The following DIP2C variants were observed in gnomAD, a reference collection of about 807,000 sequenced individuals.
DIP2C encodes the protein DIP2 acetate--CoA ligase C (putative), also known as disco-interacting protein 2 homolog C.
Under a neutral mutation model 192.4 loss-of-function variants are expected in DIP2C, and 33 were observed. That is an observed-to-expected ratio of 0.17 (90% confidence interval 0.13 to 0.23). The LOEUF (loss-of-function observed/expected upper bound fraction) is 0.23. Ranked by LOEUF, DIP2C falls within the 10% of genes least tolerant of loss-of-function variation. The probability of loss-of-function intolerance (pLI) is 1.00; values close to 1 mark genes in which losing one functional copy is unlikely to be tolerated. For missense variants in DIP2C, 1,537 were observed against 2,110.1 expected, an observed-to-expected ratio of 0.73 and a Z score of 5.32; for synonymous variants, 979 against 864.1, an observed-to-expected ratio of 1.13 and a Z score of -2.33.
At chr10:444,704 C>T (rs1057321424) in intron 3 of DIP2C, among the ~76,000 whole-genome samples, 4 of 152,248 alleles carry the variant, frequency 2.6e-5, no homozygotes, top group Non-Finnish European at 4.4e-5. Context: ...GGTGTTCACT[C>T]TCTGCTCAAT....
At chr10:547,288 C>CAG (rs1280544464) in intron 1 of DIP2C, among the ~76,000 whole-genome samples, 2 of 152,192 alleles carry the variant, frequency 1.3e-5, no homozygotes, top group Admixed American at 1.3e-4. Flanking sequence ...CTCCAGCCTA[C>CAG]AGGGAGAAGC....
At chr10:321,602 C>CAGTCAGTCGGGGGT in intron 31 of DIP2C, among the ~76,000 whole-genome samples, 1 of 130,592 alleles carries the variant, frequency 7.7e-6, no homozygotes, top group South Asian at 2.7e-4. Flanking sequence ...GAGAGACCGG[C>CAGTCAGTCGGGGGT]GCTGTTAGAA....
chr10:506,138 C>T (rs1036790492), intron 1 of DIP2C, among the ~76,000 whole-genome samples: 7 of 152,134 alleles, frequency 4.6e-5, no homozygotes, highest in African/African-American at 1.4e-4. Flanking sequence ...TTCCCATGCT[C>T]GTTACCCTTC....
At chr10:490,246 GATCA>G (rs1260628645) in intron 1 of DIP2C, among the ~76,000 whole-genome samples, 1 of 152,202 alleles carries the variant, frequency 6.6e-6, no homozygotes, top group Non-Finnish European at 1.5e-5. Context: ...CAGGCTGAAT[GATCA>G]ATTAATTCCT....
chr10:573,146 T>C (rs1478159373), intron 1 of DIP2C, among the ~76,000 whole-genome samples: 4 of 152,164 alleles, frequency 2.6e-5, no homozygotes, highest in Non-Finnish European at 4.4e-5. Context: ...GCTGTCATAA[T>C]GCAGCATGTC....
At chr10:622,136 G>T (rs927699795) in intron 1 of DIP2C, among the ~76,000 whole-genome samples, 43 of 151,018 alleles carry the variant, frequency 2.8e-4, no homozygotes, top group Non-Finnish European at 7.4e-5. Flanking sequence ...TAGAAAGGCT[G>T]CCCTGAGGCA....
At chr10:557,697 G>GGCA (rs1848957924) in intron 1 of DIP2C, among the ~76,000 whole-genome samples, 1 of 53,456 alleles carries the variant, frequency 1.9e-5, no homozygotes, top group Non-Finnish European at 3.7e-5. Flanking sequence ...GGTGGGGGTG[G>GGCA]GGGCGGGGGA....
Position 423,003 on chromosome 10 carries a change from G to A in DIP2C, c.425C>T (p.Ser142Leu), listed in dbSNP as rs1359527442. ...DTSSGSEDEG[S>L]VQGDSQGTPT... is the part of the protein sequence containing the mutation. ...GGTGCCCTGGGAGTCCCCCTGCACT[G>A]AGCCTTCATCTTCTGAGCCAGAAGA... The change falls in exon 5 of 37, where the codon TCA (serine) becomes TTA (leucine). Residue 142 changes from serine to leucine, a missense_variant. By Grantham distance (145) the Ser-to-Leu change is moderately radical. Transcript: ENST00000280886. 1 of 1,612,626 alleles carries A rather than the reference G, an allele frequency of 6.2e-7. No individual in the cohort carries two copies. The highest frequency in any genetic ancestry group is 2.2e-5 in the East Asian group (1 of 44,868).
chr10:544,948 T>C (rs1370698451), intron 1 of DIP2C, among the ~76,000 whole-genome samples: 3 of 152,148 alleles, frequency 2.0e-5, no homozygotes, highest in Admixed American at 2.0e-4. Context: ...TGTTATGCTT[T>C]AGACATCTCA....
chr10:585,161 G>A (rs1850940179), intron 1 of DIP2C, among the ~76,000 whole-genome samples: 1 of 152,192 alleles, frequency 6.6e-6, no homozygotes, highest in South Asian at 2.1e-4. Flanking sequence ...CACAAAACAA[G>A]CTTGACCTCT....
rs188263992 is a variant in DIP2C, at chr10:360,492, T to C, written c.2794+1998A>G. 4.3e-3 allele frequency among the ~76,000 whole-genome samples: 648 copies of C among 152,334 alleles called. 4 individuals carry two copies. The highest frequency in any genetic ancestry group is 7.1e-3 in the Non-Finnish European group (484 of 68,036). On this transcript the variant is annotated intron_variant, in intron 22 of 36. Coordinates refer to ENST00000280886, the MANE Select transcript of DIP2C (RefSeq NM_014974.3). ...GCATCGCTGGTATTATCAAATATCCTACCATGCAATGCTTGGCGAATTCGC... is the reference window on the plus strand; with the variant it reads ...GCATCGCTGGTATTATCAAATATCCCACCATGCAATGCTTGGCGAATTCGC...
At chr10:451,813 G>C (rs1314380211) in intron 3 of DIP2C, among the ~76,000 whole-genome samples, 3 of 152,230 alleles carry the variant, frequency 2.0e-5, no homozygotes, top group Non-Finnish European at 4.4e-5. Context: ...ATCATGTGGG[G>C]AAGGATGGAG....
In DIP2C at chr10:299,488, T is replaced by A. The variant is rs750441500; in HGVS notation, c.3986+10543A>T. 4.6e-5 allele frequency among the ~76,000 whole-genome samples: 7 copies of A among 152,336 alleles called. No homozygotes were observed. In the South Asian group the frequency reaches 1.4e-3, roughly 32 times the overall value. On this transcript the variant is annotated intron_variant, in intron 32 of 36. Transcript: ENST00000280886. ...ATAGTGTCCCTGCCTTTAAAAAATA[T>A]TTAAAATTATTTAATTCAAAGTGGA...
At chr10:500,101 T>C (rs1288745786) in intron 1 of DIP2C, among the ~76,000 whole-genome samples, 2 of 152,208 alleles carry the variant, frequency 1.3e-5, no homozygotes, top group African/African-American at 4.8e-5. Flanking sequence ...CCTGCAAGCC[T>C]TCACAGCAGA....
intron 1 of DIP2C, among the ~76,000 whole-genome samples, chr10:649,497 A>G (rs542468564): frequency 5.3e-5 from 8 of 152,332 alleles, no homozygotes; most frequent in Admixed American, 2.0e-4. Context: ...AATTTTTCTT[A>G]TTGGAAAGGA....
intron 1 of DIP2C, among the ~76,000 whole-genome samples, chr10:596,631 C>T (rs1851724643): frequency 6.6e-6 from 1 of 150,790 alleles, no homozygotes; most frequent in South Asian, 2.1e-4. Flanking sequence ...GTGAATAGGA[C>T]ACAGTTCCTC....
intron 1 of DIP2C, among the ~76,000 whole-genome samples, chr10:679,734 C>T (rs531046253): frequency 2.0e-5 from 3 of 151,366 alleles, no homozygotes; most frequent in Non-Finnish European, 4.4e-5. Context: ...GTCCTCCCCA[C>T]GCCCATCTGT....
At chr10:601,182 A>ACT (rs1323631534) in intron 1 of DIP2C, among the ~76,000 whole-genome samples, 4 of 152,226 alleles carry the variant, frequency 2.6e-5, no homozygotes, top group African/African-American at 9.6e-5. Context: ...GGTTTTAATT[A>ACT]TAGTACTTTC....
At position 376,409 on chromosome 10, in the gene DIP2C, G is replaced by A. The variant is rs971791290; in HGVS notation, c.1991+6238C>T. On this transcript the variant is annotated intron_variant, in intron 17 of 36. Coordinates refer to ENST00000280886, the MANE Select transcript of DIP2C (RefSeq NM_014974.3). ...CACACACGACGTTCCCTGTGCTGGCGTCGAAGCACCTGCACAACGTTGCTT... is the reference window on the plus strand; with the variant it reads ...CACACACGACGTTCCCTGTGCTGGCATCGAAGCACCTGCACAACGTTGCTT... 5.3e-5 allele frequency among the ~76,000 whole-genome samples: 8 copies of A among 151,704 alleles called. No individual in the cohort carries two copies. In the East Asian group the frequency reaches 5.9e-4, roughly 11 times the overall value.
Sources: allele counts gnomAD v4.1 joint callset (sites outside exome capture counted in the v4.1 genomes callset), GRCh38; gene constraint gnomAD v4.1.1; transcripts MANE v1.5; gene names NCBI Gene and HGNC (gene_info 2026-07-23, HGNC 2026-07-21).